PHACTR1: variants seen among roughly 807,000 people sequenced by gnomAD.
PHACTR1 encodes RPEL repeat containing 1.
In PHACTR1, 16 loss-of-function variants were observed where a neutral mutation model predicts 69.2. The ratio of observed to expected loss-of-function variants is 0.23; its 90% CI spans 0.16 to 0.35. The LOEUF is 0.35. Among genes scored for constraint, PHACTR1 ranks in the 10% least tolerant of loss-of-function variants. The pLI is 1.00. For synonymous variants in PHACTR1, 312 were observed against 284.5 expected, an observed-to-expected ratio of 1.10 and a Z score of -0.97; for missense variants, 510 against 734.7, an observed-to-expected ratio of 0.69 and a Z score of 3.54.
intron 7 of PHACTR1, chr6:13,185,137 T>C (rs1383129299): frequency 6.5e-6 from 4 of 619,762 alleles, no homozygotes; most frequent in Non-Finnish European, 9.5e-6. Flanking sequence ...TTTGGGTGTT[T>C]CTGTGTGTGT....
intron 5 of PHACTR1, among the ~76,000 whole-genome samples, chr6:13,104,098 A>C (rs1186372819): frequency 6.6e-6 from 1 of 152,218 alleles, no homozygotes; most frequent in Admixed American, 6.5e-5. Context: ...AAAATAAAAA[A>C]TAAAGAAAAT....
chr6:13,111,475 C>A (rs1817023600), intron 5 of PHACTR1, among the ~76,000 whole-genome samples: 1 of 152,108 alleles, frequency 6.6e-6, no homozygotes, highest in Non-Finnish European at 1.5e-5. Context: ...GAAAATCTTA[C>A]AATGAAAACA....
At position 13,271,698 on chromosome 6, in the gene PHACTR1, G is replaced by GT. The variant is rs78271320; in HGVS notation, c.1392-1151dup. Among the ~76,000 whole-genome samples, 659 of 144,930 alleles carry GT rather than the reference G, an allele frequency of 4.5e-3. 3 individuals are homozygous for GT. The highest frequency in any genetic ancestry group is 0.012 in the African/African-American group (480 of 39,482). On this transcript the variant is annotated intron_variant, in intron 10 of 14. Coordinates refer to ENST00000332995, the MANE Select transcript of PHACTR1 (RefSeq NM_030948.6). ...AATTTTAGACTATTGTTTTTTGTTTGTTTTTTTTTTTAATATTTTCCGTCA... is the reference window on the plus strand; with the variant it reads ...AATTTTAGACTATTGTTTTTTGTTTGTTTTTTTTTTTTAATATTTTCCGTCA...
Position 13,245,726 on chromosome 6 carries a change from C to T in PHACTR1, c.1391+15533C>T, listed in dbSNP as rs998538093. Among the ~76,000 whole-genome samples the T allele has an allele frequency of 4.6e-5, 7 of 151,906 alleles. No individual in the cohort carries two copies. The highest frequency in any genetic ancestry group is 1.7e-4 in the African/African-American group (7 of 41,324). ...TTTTGGCATCTTCATGAAATCTTTGCCAGGTCTTGTGTTCAGAATGGTATT... is the reference window on the plus strand; with the variant it reads ...TTTTGGCATCTTCATGAAATCTTTGTCAGGTCTTGTGTTCAGAATGGTATT... On this transcript the variant is annotated intron_variant, in intron 10 of 14. Coordinates refer to ENST00000332995, the MANE Select transcript of PHACTR1 (RefSeq NM_030948.6). The surrounding 1 kb of genome is among the most constrained non-coding windows in gnomAD (Gnocchi z 4.1).
intron 5 of PHACTR1, among the ~76,000 whole-genome samples, chr6:13,071,991 GA>G (rs1313390738): frequency 3.3e-5 from 5 of 152,116 alleles, no homozygotes; most frequent in East Asian, 1.9e-4. Flanking sequence ...ATGTTTATAT[GA>G]AAAAAAGGTT....
intron 4 of PHACTR1, among the ~76,000 whole-genome samples, chr6:12,916,924 A>C (rs191391889): frequency 6.6e-6 from 1 of 152,134 alleles, no homozygotes; most frequent in Admixed American, 6.5e-5. Flanking sequence ...ATGAATGACT[A>C]ATGTTTTTTT....
Position 13,287,489 on chromosome 6 carries a change from G to C in PHACTR1, c.*411G>C, listed in dbSNP as rs2127505027. On this transcript the variant is annotated 3_prime_UTR_variant, in exon 15 of 15. Transcript: ENST00000332995. ...CAAAGAAAGCTGAAGGGGTGGGTTT[G>C]TTTTGGGGGTACTGTGCAAAGCTAA... The C allele has an allele frequency of 4.5e-6, 1 of 223,884 alleles. No individual in the cohort carries two copies. Among genetic ancestry groups the C allele is most frequent in the Non-Finnish European group, 8.9e-6 (1 of 112,156 alleles). The allele number at this position is 223,884 out of a possible 1,614,324, so 13.9% of individuals were successfully genotyped here.
intron 4 of PHACTR1, among the ~76,000 whole-genome samples, chr6:12,829,565 A>G (rs1392777782): frequency 6.6e-6 from 1 of 152,168 alleles, no homozygotes; most frequent in Non-Finnish European, 1.5e-5. Context: ...CAGTAGAAAG[A>G]GTTTAGTAGT....
intron 4 of PHACTR1, among the ~76,000 whole-genome samples, chr6:12,954,264 G>A (rs563444096): frequency 1.3e-5 from 2 of 152,090 alleles, no homozygotes; most frequent in South Asian, 4.2e-4. Flanking sequence ...CTTTATGATT[G>A]CCTAGCATAT....
At chr6:12,853,871 G>T (rs1301731003) in intron 4 of PHACTR1, among the ~76,000 whole-genome samples, 1 of 152,212 alleles carries the variant, frequency 6.6e-6, no homozygotes, top group Non-Finnish European at 1.5e-5. Context: ...TGGGGACACA[G>T]CCAAACTGTA....
intron 4 of PHACTR1, among the ~76,000 whole-genome samples, chr6:12,805,053 T>C (rs1014789948): frequency 6.6e-6 from 1 of 152,184 alleles, no homozygotes; most frequent in Non-Finnish European, 1.5e-5. Context: ...GGAATTTGCC[T>C]TTTGGGTTAT....
intron 4 of PHACTR1, among the ~76,000 whole-genome samples, chr6:12,904,476 G>A (rs1785517975): frequency 6.6e-6 from 1 of 151,444 alleles, no homozygotes; most frequent in African/African-American, 2.4e-5. Context: ...GGAGGTTGTG[G>A]TGAGCTGAGA....
At chr6:12,858,039 G>C (rs1003295123) in intron 4 of PHACTR1, among the ~76,000 whole-genome samples, 15 of 152,156 alleles carry the variant, frequency 9.9e-5, no homozygotes, top group Non-Finnish European at 2.1e-4. Context: ...CCTGTTCTCG[G>C]TAAGTTTACG....
chr6:13,249,538 C>T (rs1028717197), intron 10 of PHACTR1, among the ~76,000 whole-genome samples: 9 of 152,160 alleles, frequency 5.9e-5, no homozygotes, highest in Admixed American at 2.6e-4. Flanking sequence ...GTGGCTCATG[C>T]CTGTAATCCC....
chr6:12,951,883 A>AT (rs1453642855), intron 4 of PHACTR1, among the ~76,000 whole-genome samples: 1 of 152,226 alleles, frequency 6.6e-6, no homozygotes, highest in Non-Finnish European at 1.5e-5. Context: ...CATTTCAACA[A>AT]GAGTTTGTTA....
rs997652573 is a variant in PHACTR1, at chr6:13,091,992, G to C, written c.415+38463G>C. Among the ~76,000 whole-genome samples the C allele has an allele frequency of 2.6e-5, 4 of 152,106 alleles. No individual in the cohort carries two copies. In the East Asian group the frequency reaches 7.7e-4, roughly 29 times the overall value. ...TTTTTGCATCTTTAGTAGAGACGGG[G>C]TTTCACTGTGTTAGCCAGGACAGTC... On this transcript the variant is annotated intron_variant, in intron 5 of 14. Coordinates refer to ENST00000332995, the MANE Select transcript of PHACTR1 (RefSeq NM_030948.6).
At chr6:13,163,177 G>GGAGGTTGCAGTGAGCC (rs1275096589) in intron 6 of PHACTR1, among the ~76,000 whole-genome samples, 2 of 152,180 alleles carry the variant, frequency 1.3e-5, no homozygotes, top group Non-Finnish European at 2.9e-5. Context: ...CCCAGGAGGT[G>GGAGGTTGCAGTGAGCC]GAGGTTGCAG....
intron 7 of PHACTR1, among the ~76,000 whole-genome samples, chr6:13,192,878 T>G (rs3864312): frequency 0.34 from 52,064 of 152,074 alleles, 9,484 homozygotes; most frequent in Non-Finnish European, 0.42. Context: ...ATCTTTTGCC[T>G]GTATCTTCAT....
intron 3 of PHACTR1, among the ~76,000 whole-genome samples, chr6:12,719,509 A>AT (rs894588303): frequency 4.7e-4 from 70 of 149,816 alleles, no homozygotes; most frequent in African/African-American, 1.4e-3. Context: ...CTAGGAGGAG[A>AT]TTTTTTTTTT....
Sources: allele counts gnomAD v4.1 joint callset (sites outside exome capture counted in the v4.1 genomes callset), GRCh38; gene constraint gnomAD v4.1.1; non-coding constraint Gnocchi (gnomAD v3.1); transcripts MANE v1.5; gene names NCBI Gene and HGNC (gene_info 2026-07-23, HGNC 2026-07-21).